Variants in DNAH7 observed in about 807,000 individuals in gnomAD.
DNAH7 encodes axonemal beta dynein heavy chain 7.
In DNAH7, 397 loss-of-function variants were observed where a neutral mutation model predicts 444.6. The observed-to-expected ratio is 0.89, with a 90% CI of 0.82 to 0.97. The LOEUF (loss-of-function observed/expected upper bound fraction) is 0.97, where lower values mean the gene tolerates loss of function less well. Ranked by LOEUF, DNAH7 falls within the 50% of genes least tolerant of loss-of-function variation. The pLI is 0.00. For synonymous variants in DNAH7, 1,636 were observed against 1,624.4 expected, an observed-to-expected ratio of 1.01 and a Z score of -0.17; for missense variants, 4,902 against 4,800.8, an observed-to-expected ratio of 1.02 and a Z score of -0.62.
In DNAH7 at chr2:196,026,791, C is replaced by A; in HGVS notation, c.636G>T (p.Glu212Asp). The A allele has an allele frequency of 1.2e-6, 2 of 1,611,786 alleles. No homozygotes were observed. Among genetic ancestry groups the A allele is most frequent in the Non-Finnish European group, 1.7e-6 (2 of 1,178,628 alleles). Residue 212 changes from glutamate to aspartate, a missense_variant, in exon 7 of 65, where the codon GAG becomes GAT. Physicochemically the swap from Glu to Asp is conservative, Grantham distance 45. Coordinates refer to ENST00000312428, the MANE Select transcript of DNAH7 (RefSeq NM_018897.3). ...SIVTLSDEMR[E>D]DYLLSVRKSI... ...ATTTCCTTACACTAAGAAGATAATC[C>A]TCTCTCATTTCATCAGATAATGTAA...
chr2:196,027,253 G>A (rs1464280825), intron 6 of DNAH7, among the ~76,000 whole-genome samples: 1 of 151,998 alleles, frequency 6.6e-6, no homozygotes, highest in South Asian at 2.1e-4. Context: ...AAAATGATTT[G>A]TTAGTTTTTC....
intron 10 of DNAH7, among the ~76,000 whole-genome samples, chr2:196,011,043 A>G (rs964279707): frequency 6.6e-6 from 1 of 152,152 alleles, no homozygotes; most frequent in African/African-American, 2.4e-5. Flanking sequence ...GTTGGTTAAT[A>G]CGCACAAAAA....
chr2:195,878,826 C>T (rs183473144), intron 36 of DNAH7, among the ~76,000 whole-genome samples: 1 of 152,250 alleles, frequency 6.6e-6, no homozygotes, highest in East Asian at 1.9e-4. Flanking sequence ...GGTTTCAAAA[C>T]ATCTCTGTCT....
intron 63 of DNAH7, among the ~76,000 whole-genome samples, chr2:195,743,058 A>G (rs1030840371): frequency 6.6e-6 from 1 of 152,200 alleles, no homozygotes; most frequent in Non-Finnish European, 1.5e-5. Flanking sequence ...TGGAAAGAGC[A>G]GACTTGCTAA....
At chr2:195,831,868 A>G (rs1698089636) in intron 48 of DNAH7, among the ~76,000 whole-genome samples, 1 of 152,188 alleles carries the variant, frequency 6.6e-6, no homozygotes, top group Non-Finnish European at 1.5e-5. Context: ...TATTGGGACC[A>G]GTATAGTTAA....
chr2:196,066,089 G>C (rs1366694146), intron 1 of DNAH7, among the ~76,000 whole-genome samples: 1 of 152,124 alleles, frequency 6.6e-6, no homozygotes, highest in African/African-American at 2.4e-5. Context: ...TCCTTAAATA[G>C]CCTGGCTTTG....
At chr2:195,989,505 T>G (rs369692694) in intron 12 of DNAH7, among the ~76,000 whole-genome samples, 1 of 152,216 alleles carries the variant, frequency 6.6e-6, no homozygotes, top group African/African-American at 2.4e-5. Context: ...ATAAATGTCT[T>G]GTCAGGTTTT....
At position 195,845,007 on chromosome 2, in the gene DNAH7, G is replaced by T. The variant is rs752239168; in HGVS notation, c.8940C>A (p.Ile2980=). 2.5e-6 allele frequency: 4 copies of T among 1,612,506 alleles called. No homozygotes were observed. The South Asian group carries it at 3.3e-5, about 13-fold the overall frequency. The change falls in exon 47 of 65, where the codon ATC becomes ATA. Residue 2980 remains isoleucine (I), a synonymous_variant. Transcript: ENST00000312428. ...GAGAAAAATATTTTTCTTACATTAT[G>T]ATTATCCCATTATCAATGGAAAATG... ...SDSFSIDNGI[I]IMNARRWPLM...
At position 195,864,292 on chromosome 2, in the gene DNAH7, T is replaced by C. The variant is rs754656510; in HGVS notation, c.7363A>G (p.Ile2455Val). 5 of 1,614,060 alleles carry C rather than the reference T, an allele frequency of 3.1e-6. No individual in the cohort carries two copies. In the East Asian group the frequency reaches 6.7e-5, roughly 22 times the overall value. The part of the protein sequence containing the change: ...DKTKQTDGSP[I>V]ALFNMFIDHC... Reference sequence around the variant, plus strand: ...TCAATAAACATGTTGAAAAGGGCTATGGGGCTGCCATCTGTTTGCTTGGTT... The same window carrying C: ...TCAATAAACATGTTGAAAAGGGCTACGGGGCTGCCATCTGTTTGCTTGGTT... Residue 2455 changes from isoleucine (I) to valine (V), a missense_variant, in exon 41 of 65, where the codon ATA becomes GTA. By Grantham distance (29) the Ile-to-Val change is conservative. Coordinates refer to ENST00000312428, the MANE Select transcript of DNAH7 (RefSeq NM_018897.3).
chr2:196,016,823 T>C (rs1175682191), intron 9 of DNAH7, among the ~76,000 whole-genome samples: 1 of 151,876 alleles, frequency 6.6e-6, no homozygotes, highest in Non-Finnish European at 1.5e-5. Flanking sequence ...TGCCCAAGTA[T>C]CCCTCCCAAA....
Position 195,895,260 on chromosome 2 carries a change from A to G in DNAH7, c.4648-36T>C, listed in dbSNP as rs1334097907. On this transcript the variant is annotated intron_variant, in intron 29 of 64. Transcript: ENST00000312428. ...ATGATTTGAAGGATTTACATTTTAT[A>G]TATTTATATTAAATACAAATATTTT... The G allele has an allele frequency of 7.3e-6, 10 of 1,367,316 alleles. No individual in the cohort carries two copies. In the Admixed American group the frequency reaches 1.8e-4, roughly 25 times the overall value. The allele number at this position is 1,367,316 out of a possible 1,614,324, so 84.7% of individuals were successfully genotyped here. A position where few individuals can be genotyped will look rare whatever the true frequency, so the allele number is the denominator to read the frequency against.
rs754437776 is a variant in DNAH7 at position 195,799,388 on chromosome 2, A to G, written c.10261T>C (p.Phe3421Leu). 1 of 1,612,582 alleles carries G rather than the reference A, an allele frequency of 6.2e-7. No homozygotes were observed. Among genetic ancestry groups the G allele is most frequent in the South Asian group, 1.1e-5 (1 of 90,670 alleles). ...GGTGCACAGCAGTTACTGTCTCCAA[A>G]TGCCTTGGCTAAATCAAAGGGGGGT... ...EPPPFDLAKA[F>L]GDSNCCAPLI... is the part of the protein sequence containing the mutation. The change falls in exon 55 of 65, where the codon TTT (phenylalanine) becomes CTT (leucine). Residue 3421 changes from phenylalanine to leucine, a missense_variant. Phe to Leu is a conservative substitution (Grantham distance 22, BLOSUM62 0). Coordinates refer to ENST00000312428, the MANE Select transcript of DNAH7 (RefSeq NM_018897.3).
chr2:195,824,206 G>A, intron 49 of DNAH7, 49 bp downstream of exon 49: 2 of 1,516,986 alleles, frequency 1.3e-6, no homozygotes, highest in Non-Finnish European at 1.8e-6. Context: ...GGAATATATA[G>A]TCACTAATTA....
intron 46 of DNAH7, among the ~76,000 whole-genome samples, chr2:195,847,011 T>C (rs572486524): frequency 6.8e-6 from 1 of 147,706 alleles, no homozygotes; most frequent in South Asian, 2.1e-4. Context: ...TTTTAGAGAA[T>C]CCTATTAGTT....
At chr2:195,841,081 T>C (rs763960914) in intron 47 of DNAH7, among the ~76,000 whole-genome samples, 9 of 151,748 alleles carry the variant, frequency 5.9e-5, no homozygotes, top group Non-Finnish European at 1.0e-4. Context: ...GACAAATAGG[T>C]AAATGGAACA....
At chr2:196,058,255 C>T in intron 1 of DNAH7, 139 bp from the exon 2 acceptor site, 1 of 504,634 alleles carries the variant, frequency 2.0e-6, no homozygotes, top group Non-Finnish European at 3.4e-6. Flanking sequence ...ATGGCATGAT[C>T]TTATATACTG....
chr2:195,799,708 T>A (rs1421471227), intron 54 of DNAH7, among the ~76,000 whole-genome samples: 1 of 152,114 alleles, frequency 6.6e-6, no homozygotes, highest in African/African-American at 2.4e-5. Flanking sequence ...ATTCAAAGAC[T>A]TTTTTTGTCC....
At chr2:195,877,682 C>T (rs1314789370) in intron 36 of DNAH7, among the ~76,000 whole-genome samples, 1 of 152,068 alleles carries the variant, frequency 6.6e-6, no homozygotes, top group Non-Finnish European at 1.5e-5. Context: ...AGCACACATG[C>T]CAGGAGTACG....
chr2:196,017,310 G>GC (rs1451175096), intron 9 of DNAH7, among the ~76,000 whole-genome samples: 1 of 152,136 alleles, frequency 6.6e-6, no homozygotes, highest in African/African-American at 2.4e-5. Context: ...ACAACACTTG[G>GC]CCCCAAAGTG....
Sources: allele counts gnomAD v4.1 joint callset (sites outside exome capture counted in the v4.1 genomes callset), GRCh38; gene constraint gnomAD v4.1.1; transcripts MANE v1.5; gene names NCBI Gene and HGNC (gene_info 2026-07-23, HGNC 2026-07-21).